RAPGEF5: variants seen among roughly 807,000 people sequenced by gnomAD.
RAPGEF5 encodes the protein Rap guanine nucleotide exchange factor 5.
RAPGEF5 carries 65 observed loss-of-function variants against 125.2 expected under a neutral mutation model. The ratio of observed to expected loss-of-function variants is 0.52; its 90% CI spans 0.43 to 0.64. RAPGEF5 has a LOEUF of 0.64. RAPGEF5 is among the 30% of genes least tolerant of loss of function. RAPGEF5 has a pLI of 0.00. For missense variants in RAPGEF5, 958 were observed against 1,048.1 expected, an observed-to-expected ratio of 0.91 and a Z score of 1.19; for synonymous variants, 391 against 385.9, an observed-to-expected ratio of 1.01 and a Z score of -0.16.
intron 11 of RAPGEF5, among the ~76,000 whole-genome samples, chr7:22,177,193 G>A (rs1014526425): frequency 6.6e-6 from 1 of 152,104 alleles, no homozygotes; most frequent in Non-Finnish European, 1.5e-5. Flanking sequence ...AATCTGATTG[G>A]TGAGATAATT....
At chr7:22,279,673 T>C (rs1304108895) in intron 6 of RAPGEF5, among the ~76,000 whole-genome samples, 1 of 152,184 alleles carries the variant, frequency 6.6e-6, no homozygotes, top group Non-Finnish European at 1.5e-5. Flanking sequence ...CAAGGAATTA[T>C]GAGGGAGACT....
intron 9 of RAPGEF5, among the ~76,000 whole-genome samples, chr7:22,210,729 G>C (rs1163026723): frequency 1.3e-5 from 2 of 152,134 alleles, no homozygotes; most frequent in Admixed American, 1.3e-4. Flanking sequence ...TAAAATGGTT[G>C]AGCCTTGTTC....
At chr7:22,228,700 A>AGACAGG (rs1227647980) in intron 8 of RAPGEF5, among the ~76,000 whole-genome samples, 6 of 147,026 alleles carry the variant, frequency 4.1e-5, no homozygotes, top group South Asian at 4.3e-4. Context: ...TTTTAAGTAG[A>AGACAGG]GACAGGGTTT....
At chr7:22,193,068 G>A (rs1785044567) in intron 11 of RAPGEF5, 1 of 478,824 alleles carries the variant, frequency 2.1e-6, no homozygotes. Flanking sequence ...GCTATTGAAT[G>A]TTGGTCTCTT....
At chr7:22,164,631 C>T (rs535328065) in intron 12 of RAPGEF5, among the ~76,000 whole-genome samples, 3 of 152,012 alleles carry the variant, frequency 2.0e-5, no homozygotes, top group South Asian at 2.1e-4. Context: ...ATATATTTAC[C>T]GGTTAAATTT....
At chr7:22,329,636 T>C (rs984838634) in intron 1 of RAPGEF5, among the ~76,000 whole-genome samples, 1 of 152,166 alleles carries the variant, frequency 6.6e-6, no homozygotes, top group Non-Finnish European at 1.5e-5. Context: ...ACAAACAGAA[T>C]GGAATACACC....
intron 9 of RAPGEF5, among the ~76,000 whole-genome samples, chr7:22,208,617 C>T (rs998659009): frequency 1.3e-5 from 2 of 152,204 alleles, no homozygotes; most frequent in African/African-American, 4.8e-5. Context: ...ATTCCCTTCA[C>T]TGGGTCTTCC....
intron 12 of RAPGEF5, among the ~76,000 whole-genome samples, chr7:22,166,390 A>C (rs1175355996): frequency 1.3e-5 from 2 of 152,220 alleles, no homozygotes; most frequent in Non-Finnish European, 2.9e-5. Context: ...AATACTGTGA[A>C]GGAAGAAGAT....
intron 9 of RAPGEF5, among the ~76,000 whole-genome samples, chr7:22,217,760 C>T (rs781692598): frequency 6.6e-6 from 1 of 152,204 alleles, no homozygotes; most frequent in Non-Finnish European, 1.5e-5. Context: ...TCTTTCCTCT[C>T]AGAAACAAAA....
At chr7:22,331,744 C>CAAAAAAAAA (rs11406166) in intron 1 of RAPGEF5, among the ~76,000 whole-genome samples, 19 of 94,682 alleles carry the variant, frequency 2.0e-4, no homozygotes, top group East Asian at 3.0e-4. Flanking sequence ...GACTCCATCT[C>CAAAAAAAAA]AAAAAAAAAA....
At chr7:22,125,405 C>A in intron 25 of RAPGEF5, 199 bp downstream of exon 25, 1 of 524,480 alleles carries the variant, frequency 1.9e-6, no homozygotes, top group Admixed American at 3.1e-5. Flanking sequence ...TAATAATCTG[C>A]CATATCTTGT....
intron 1 of RAPGEF5, among the ~76,000 whole-genome samples, chr7:22,321,083 A>T (rs1025174514): frequency 2.0e-5 from 3 of 152,250 alleles, no homozygotes; most frequent in Non-Finnish European, 4.4e-5. Context: ...ACCCAGAGAG[A>T]TGAAAATACT....
chr7:22,272,096 C>T (rs978216117), intron 6 of RAPGEF5, among the ~76,000 whole-genome samples: 10 of 152,026 alleles, frequency 6.6e-5, no homozygotes, highest in Non-Finnish European at 7.4e-5. Flanking sequence ...GCAATCCCAG[C>T]ACTTTGGGAG....
intron 17 of RAPGEF5, among the ~76,000 whole-genome samples, chr7:22,153,528 C>G (rs1783699330): frequency 6.6e-6 from 1 of 152,122 alleles, no homozygotes; most frequent in Admixed American, 6.6e-5. Flanking sequence ...AATCAACCAG[C>G]TTGTAGGACC....
At chr7:22,278,578 A>T (rs1782608586) in intron 6 of RAPGEF5, among the ~76,000 whole-genome samples, 1 of 151,938 alleles carries the variant, frequency 6.6e-6, no homozygotes, top group African/African-American at 2.4e-5. Flanking sequence ...ATGTAACATG[A>T]TGCTAATTAT....
At chr7:22,338,974 A>G (rs571810927) in intron 1 of RAPGEF5, among the ~76,000 whole-genome samples, 1 of 152,266 alleles carries the variant, frequency 6.6e-6, no homozygotes, top group Admixed American at 6.5e-5. Flanking sequence ...TCATAGAAAA[A>G]ACCTGAAGCT....
In RAPGEF5 at chr7:22,154,727, T is replaced by A. The variant is rs994020260; in HGVS notation, c.1637-123A>T. The A allele has an allele frequency of 3.8e-6, 4 of 1,042,404 alleles. No individual in the cohort carries two copies. In the African/African-American group the frequency reaches 4.8e-5, roughly 13 times the overall value. The allele number at this position is 1,042,404 out of a possible 1,614,324, so 64.6% of individuals were successfully genotyped here. A position where few individuals can be genotyped will look rare whatever the true frequency, so the allele number is the denominator to read the frequency against. On this transcript the variant is annotated intron_variant, in intron 16 of 25. Coordinates refer to ENST00000665637, the MANE Select transcript of RAPGEF5 (RefSeq NM_012294.5). The stretch of plus-strand genomic sequence containing the variant: ...ACCCACCTGGCTATTCTCTTCAGTA[T>A]AACACATACAGAGTTAGATTTTTTA...
At chr7:22,147,118 T>C in intron 18 of RAPGEF5, 99 bp from the exon 19 acceptor site, 1 of 1,428,292 alleles carries the variant, frequency 7.0e-7, no homozygotes, top group South Asian at 1.4e-5. Context: ...ATTAGCAAAG[T>C]AATCTTTTCT....
chr7:22,156,907 A>G lies in RAPGEF5; in HGVS notation c.1558-19T>C. On this transcript the variant is annotated intron_variant, in intron 15 of 25. Transcript: ENST00000665637. The stretch of plus-strand genomic sequence containing the variant: ...CTTTATTCTGTGAGATGGGAGAAAG[A>G]GAACAATGAATGAATACATTCCTGC... 1.2e-6 allele frequency: 2 copies of G among 1,613,860 alleles called. No homozygotes were observed. Among genetic ancestry groups the G allele is most frequent in the Non-Finnish European group, 1.7e-6 (2 of 1,179,788 alleles).
Sources: gnomAD v4.1 joint callset for allele counts (sites outside exome capture counted in the v4.1 genomes callset) on GRCh38, gnomAD v4.1.1 for gene constraint, MANE v1.5 for transcripts, NCBI Gene and HGNC (gene_info 2026-07-23, HGNC 2026-07-21) for gene names.